Variants in CSMD1 observed in about 807,000 individuals in gnomAD.
CSMD1 encodes CUB and sushi domain-containing protein 1.
In CSMD1, 213 loss-of-function variants were observed where a neutral mutation model predicts 417.5. The ratio of observed to expected loss-of-function variants is 0.51; its 90% CI spans 0.46 to 0.57. The LOEUF (loss-of-function observed/expected upper bound fraction) is 0.57, where lower values mean the gene tolerates loss of function less well. Among genes scored for constraint, CSMD1 ranks in the 20% least tolerant of loss-of-function variants. CSMD1 has a pLI of 0.00. For synonymous variants in CSMD1, 2,862 were observed against 1,736.8 expected (o/e 1.65, Z -16.11); for missense variants, 6,923 against 4,529.7 (o/e 1.53, Z -15.17).
At chr8:4,304,391 G>C (rs1016828331) in intron 3 of CSMD1, among the ~76,000 whole-genome samples, 2 of 152,088 alleles carry the variant, frequency 1.3e-5, no homozygotes, top group African/African-American at 4.8e-5. Flanking sequence ...TGTAAATAGA[G>C]AAATTATTAC....
At chr8:3,986,042 C>T (rs1294216453) in intron 5 of CSMD1, among the ~76,000 whole-genome samples, 2 of 152,070 alleles carry the variant, frequency 1.3e-5, no homozygotes, top group African/African-American at 4.8e-5. Context: ...AAAGCCCTGT[C>T]TTTTCCTCTT....
chr8:4,267,953 T>G (rs1482132068), intron 3 of CSMD1, among the ~76,000 whole-genome samples: 1 of 152,108 alleles, frequency 6.6e-6, no homozygotes, highest in Non-Finnish European at 1.5e-5. Context: ...TCAAACTACA[T>G]TTTTGGATCT....
At chr8:3,438,543 C>A (rs527519856) in intron 12 of CSMD1, among the ~76,000 whole-genome samples, 1 of 152,308 alleles carries the variant, frequency 6.6e-6, no homozygotes, top group East Asian at 1.9e-4. Flanking sequence ...GCACCACTCT[C>A]TGGAGAGTCA....
At chr8:3,521,313 A>G (rs1453559503) in intron 10 of CSMD1, among the ~76,000 whole-genome samples, 2 of 152,006 alleles carry the variant, frequency 1.3e-5, no homozygotes, top group Non-Finnish European at 2.9e-5. Context: ...CTCTCTCTCA[A>G]ATTCACATGT....
intron 3 of CSMD1, among the ~76,000 whole-genome samples, chr8:4,142,956 C>G (rs1407892654): frequency 2.0e-5 from 3 of 149,286 alleles, no homozygotes; most frequent in South Asian, 4.2e-4. Flanking sequence ...CAGAAATACC[C>G]AGAAACTATC....
chr8:3,643,724 G>GAAAAAAAAAAAAAAAAAAAAA (rs1431798280), intron 7 of CSMD1, among the ~76,000 whole-genome samples: 7 of 120,846 alleles, frequency 5.8e-5, no homozygotes, highest in East Asian at 2.4e-4. Flanking sequence ...AAAAAAAAAG[G>GAAAAAAAAAAAAAAAAAAAAA]AAATGCCTCC....
chr8:3,663,139 C>A (rs373304470), intron 7 of CSMD1, among the ~76,000 whole-genome samples: 3 of 151,846 alleles, frequency 2.0e-5, no homozygotes, highest in Non-Finnish European at 4.4e-5. Context: ...CAGGAGAGGC[C>A]GACAAAGAAA....
intron 10 of CSMD1, among the ~76,000 whole-genome samples, chr8:3,574,193 T>A (rs1449098866): frequency 6.6e-6 from 1 of 152,216 alleles, no homozygotes; most frequent in Non-Finnish European, 1.5e-5. Context: ...GTATATAGCT[T>A]ATGAGAAGAA....
chr8:3,494,987 C>T (rs1279905365), intron 10 of CSMD1, among the ~76,000 whole-genome samples: 1 of 152,016 alleles, frequency 6.6e-6, no homozygotes, highest in Non-Finnish European at 1.5e-5. Context: ...CCAAGCAATG[C>T]CAAAAAGGAA....
At chr8:3,224,023 A>C (rs964631481) in intron 27 of CSMD1, among the ~76,000 whole-genome samples, 156 bp from the exon 28 acceptor site, 2 of 152,234 alleles carry the variant, frequency 1.3e-5, no homozygotes, top group Non-Finnish European at 2.9e-5. Context: ...TATCCTGATA[A>C]AATTGTAAGA....
At chr8:3,448,693 C>G (rs1815493303) in intron 12 of CSMD1, among the ~76,000 whole-genome samples, 1 of 152,100 alleles carries the variant, frequency 6.6e-6, no homozygotes, top group Non-Finnish European at 1.5e-5. Context: ...CCTTCAGGAA[C>G]TGCAGCATCG....
intron 5 of CSMD1, among the ~76,000 whole-genome samples, chr8:3,779,744 G>A (rs553310790): frequency 6.6e-6 from 1 of 152,174 alleles, no homozygotes; most frequent in Admixed American, 6.5e-5. Context: ...TTATATTTAA[G>A]TTATTTGAAA....
chr8:2,968,633 G>T (rs1391786163), intron 57 of CSMD1, among the ~76,000 whole-genome samples: 1 of 151,950 alleles, frequency 6.6e-6, no homozygotes, highest in Non-Finnish European at 1.5e-5. Flanking sequence ...TTATAACTAT[G>T]AAAATGACTA....
chr8:3,467,939 G>T (rs546668482), intron 12 of CSMD1, among the ~76,000 whole-genome samples: 3 of 152,156 alleles, frequency 2.0e-5, no homozygotes, highest in African/African-American at 7.2e-5. Context: ...ATAAAATACA[G>T]TTCCAACAGC....
chr8:4,539,963 G>C (rs1797297682), intron 2 of CSMD1, among the ~76,000 whole-genome samples: 1 of 152,156 alleles, frequency 6.6e-6, no homozygotes. Context: ...GCCCCGTCCA[G>C]GTGCTGCCTG....
chr8:3,907,882 T>C (rs1808215730), intron 5 of CSMD1, among the ~76,000 whole-genome samples: 1 of 152,222 alleles, frequency 6.6e-6, no homozygotes, highest in Non-Finnish European at 1.5e-5. Flanking sequence ...TTCTCTCTTC[T>C]TGAGAATATT....
chr8:4,860,717 A>G (rs1315528322), intron 1 of CSMD1, among the ~76,000 whole-genome samples: 3 of 152,172 alleles, frequency 2.0e-5, no homozygotes, highest in African/African-American at 7.2e-5. Flanking sequence ...AGACAAATAC[A>G]TTTATGTAAC....
intron 4 of CSMD1, among the ~76,000 whole-genome samples, chr8:4,011,898 T>C (rs1816567518): frequency 6.6e-6 from 1 of 152,134 alleles, no homozygotes; most frequent in South Asian, 2.1e-4. Flanking sequence ...TAAAATGGAA[T>C]TTTATTTGCA....
chr8:4,568,066 G>C (rs1585261413), intron 2 of CSMD1, among the ~76,000 whole-genome samples: 2 of 152,284 alleles, frequency 1.3e-5, no homozygotes, highest in Non-Finnish European at 1.5e-5. Context: ...TGTAAAATGT[G>C]AATGCTTGGT....
Sources: gnomAD v4.1 joint callset for allele counts (sites outside exome capture counted in the v4.1 genomes callset) on GRCh38, gnomAD v4.1.1 for gene constraint, MANE v1.5 for transcripts, NCBI Gene and HGNC (gene_info 2026-07-23, HGNC 2026-07-21) for gene names.